CFTR: variants seen among roughly 807,000 people sequenced by gnomAD.
CFTR encodes cystic fibrosis transmembrane conductance regulator.
CFTR carries 181 observed loss-of-function variants against 171.6 expected under a neutral mutation model. The observed-to-expected ratio is 1.05, with a 90% confidence interval of 0.93 to 1.19. CFTR has a LOEUF of 1.19. Among genes scored for constraint, CFTR ranks in the 50% most tolerant of loss-of-function variants. The pLI is 0.00. For missense variants in CFTR, 1,968 were observed against 1,734.7 expected (o/e 1.13, Z -2.39); for synonymous variants, 583 against 608.0 (o/e 0.96, Z 0.60).
At chr7:117,556,973 T>C (rs981078553) in intron 10 of CFTR, among the ~76,000 whole-genome samples, 4 of 152,116 alleles carry the variant, frequency 2.6e-5, no homozygotes, top group African/African-American at 9.6e-5. Context: ...CATTAATTTA[T>C]AATTTTATCT....
chr7:117,649,393 C>A (rs1169857736), intron 23 of CFTR, among the ~76,000 whole-genome samples: 1 of 148,066 alleles, frequency 6.8e-6, no homozygotes, highest in African/African-American at 2.5e-5. Flanking sequence ...TATATATACA[C>A]ACATATATCT....
At chr7:117,480,187 C>T (rs1184123892) in intron 1 of CFTR, 40 bp downstream of exon 1, 17 of 1,602,180 alleles carry the variant, frequency 1.1e-5, no homozygotes, top group Non-Finnish European at 1.5e-5. Context: ...AGACACGTGC[C>T]CACGAAAGAG....
chr7:117,564,084 C>T (rs912856315), intron 11 of CFTR, among the ~76,000 whole-genome samples: 2 of 152,186 alleles, frequency 1.3e-5, no homozygotes, highest in Non-Finnish European at 2.9e-5. Flanking sequence ...AAAATATCAA[C>T]TCCAAAATCT....
chr7:117,549,713 G>GA (rs2115906978), intron 10 of CFTR, among the ~76,000 whole-genome samples: 1 of 152,222 alleles, frequency 6.6e-6, no homozygotes, highest in African/African-American at 2.4e-5. Context: ...AGAAATGTGA[G>GA]AAAAAGTTTA....
intron 14 of CFTR, among the ~76,000 whole-genome samples, chr7:117,592,945 C>T (rs1245089929): frequency 6.6e-6 from 1 of 152,182 alleles, no homozygotes; most frequent in East Asian, 1.9e-4. Flanking sequence ...AAAGCATTTG[C>T]TTTATTACCA....
At chr7:117,529,482 A>C (rs1798819158) in intron 3 of CFTR, among the ~76,000 whole-genome samples, 1 of 139,192 alleles carries the variant, frequency 7.2e-6, no homozygotes, top group Non-Finnish European at 1.5e-5. Context: ...TAACCTGCAC[A>C]ATGTGCACAT....
chr7:117,550,374 G>A (rs1271730004), intron 10 of CFTR, among the ~76,000 whole-genome samples: 2 of 151,610 alleles, frequency 1.3e-5, no homozygotes, highest in African/African-American at 2.4e-5. Context: ...AATACAATTT[G>A]GTTGTTTCTC....
At chr7:117,588,692 T>C (rs947049594) in intron 12 of CFTR, among the ~76,000 whole-genome samples, 1 of 152,148 alleles carries the variant, frequency 6.6e-6, no homozygotes, top group Non-Finnish European at 1.5e-5. Context: ...CTTTTGTGTG[T>C]ATGTAATCCC....
At chr7:117,592,728 T>C (rs1021474611) in intron 14 of CFTR, 71 bp downstream of exon 14, 66 of 1,301,702 alleles carry the variant, frequency 5.1e-5, no homozygotes, top group Admixed American at 2.2e-4. Flanking sequence ...ATGTAGCATG[T>C]AACAAAATTT....
chr7:117,630,326 C>A (rs557741583), intron 22 of CFTR, among the ~76,000 whole-genome samples: 1 of 151,970 alleles, frequency 6.6e-6, no homozygotes, highest in Non-Finnish European at 1.5e-5. Flanking sequence ...TATCAGTTGG[C>A]GGAGAGTTAG....
At chr7:117,530,461 A>G (rs1429955826) in intron 3 of CFTR, among the ~76,000 whole-genome samples, 4 of 152,154 alleles carry the variant, frequency 2.6e-5, no homozygotes, top group African/African-American at 9.7e-5. Context: ...TTCATCTGCC[A>G]TGTGAAAATA....
chr7:117,620,437 T>C (rs1465526551), intron 21 of CFTR, among the ~76,000 whole-genome samples: 1 of 152,236 alleles, frequency 6.6e-6, no homozygotes, highest in African/African-American at 2.4e-5. Flanking sequence ...AGGCAGGGAT[T>C]ATTCCACATC....
At chr7:117,489,144 C>A (rs996769025) in intron 1 of CFTR, among the ~76,000 whole-genome samples, 1 of 152,072 alleles carries the variant, frequency 6.6e-6, no homozygotes, top group Non-Finnish European at 1.5e-5. Flanking sequence ...CTAAGCTCAG[C>A]ACTTTATTAT....
intron 10 of CFTR, among the ~76,000 whole-genome samples, chr7:117,557,824 G>A (rs1232380128): frequency 6.6e-6 from 1 of 151,926 alleles, no homozygotes; most frequent in African/African-American, 2.4e-5. Context: ...TAATAGATGG[G>A]TTAAGCCAAC....
chr7:117,592,791 A>T (rs1792056101), intron 14 of CFTR, 134 bp downstream of exon 14: 5 of 695,908 alleles, frequency 7.2e-6, no homozygotes, highest in Non-Finnish European at 1.0e-5. Flanking sequence ...GAAAGTATGA[A>T]GTTCATTAAT....
chr7:117,574,403 T>C (rs1791742432), intron 11 of CFTR, among the ~76,000 whole-genome samples: 1 of 152,142 alleles, frequency 6.6e-6, no homozygotes, highest in South Asian at 2.1e-4. Flanking sequence ...CTTCATATTA[T>C]GTCTCTGAAA....
In CFTR at chr7:117,664,715, T is replaced by C; in HGVS notation, c.3991T>C (p.Phe1331Leu). 1 of 1,613,998 alleles carries C rather than the reference T, an allele frequency of 6.2e-7. No individual in the cohort carries two copies. Among genetic ancestry groups the C allele is most frequent in the Non-Finnish European group, 8.5e-7 (1 of 1,179,888 alleles). ...EVGLRSVIEQ[F>L]PGKLDFVLVD... Reference sequence around the variant, plus strand: ...TGGGCTCAGATCTGTGATAGAACAGTTTCCTGGGAAGCTTGACTTTGTCCT... The same window carrying C: ...TGGGCTCAGATCTGTGATAGAACAGCTTCCTGGGAAGCTTGACTTTGTCCT... The change falls in exon 25 of 27, where the codon TTT (phenylalanine) becomes CTT (leucine). Residue 1331 changes from phenylalanine (F) to leucine (L), a missense_variant. Coordinates refer to ENST00000003084, the MANE Select transcript of CFTR (RefSeq NM_000492.4).
chr7:117,521,015 G>A (rs551410973), intron 3 of CFTR, among the ~76,000 whole-genome samples: 1 of 151,974 alleles, frequency 6.6e-6, no homozygotes, highest in East Asian at 1.9e-4. Context: ...CCATTTATTT[G>A]AGACTTTTAA....
chr7:117,618,397 C>A (rs539292204), intron 21 of CFTR, among the ~76,000 whole-genome samples: 1 of 152,074 alleles, frequency 6.6e-6, no homozygotes, highest in Admixed American at 6.6e-5. Context: ...ACAAGAATCG[C>A]TTGAACCTGG....
Sources: allele counts gnomAD v4.1 joint callset (sites outside exome capture counted in the v4.1 genomes callset), GRCh38; gene constraint gnomAD v4.1.1; transcripts MANE v1.5; gene names NCBI Gene and HGNC (gene_info 2026-07-23, HGNC 2026-07-21).